NRXN1: variants seen among roughly 807,000 people sequenced by gnomAD.
NRXN1 encodes neurexin-1.
NRXN1 carries 39 observed loss-of-function variants against 150.9 expected under a neutral mutation model. The ratio of observed to expected loss-of-function variants is 0.26; its 90% CI spans 0.20 to 0.34. The LOEUF is 0.34. Ranked by LOEUF, NRXN1 falls within the 10% of genes least tolerant of loss-of-function variation. The pLI is 1.00. For missense variants in NRXN1, 1,815 were observed against 1,949.9 expected, an observed-to-expected ratio of 0.93 and a Z score of 1.30; for synonymous variants, 924 against 757.0, an observed-to-expected ratio of 1.22 and a Z score of -3.62.
intron 8 of NRXN1, among the ~76,000 whole-genome samples, chr2:50,585,180 C>T (rs970940732): frequency 6.6e-6 from 1 of 152,146 alleles, no homozygotes; most frequent in Non-Finnish European, 1.5e-5. Context: ...AACCGCAAAA[C>T]GTTAGGCAAG....
intron 18 of NRXN1, among the ~76,000 whole-genome samples, chr2:50,184,421 CAT>C (rs1477090445): frequency 6.6e-6 from 1 of 151,950 alleles, no homozygotes; most frequent in East Asian, 1.9e-4. Flanking sequence ...TGTCACCTAA[CAT>C]GTAAAAATAC....
intron 17 of NRXN1, among the ~76,000 whole-genome samples, chr2:50,352,712 G>A (rs973766765): frequency 6.7e-6 from 1 of 149,484 alleles, no homozygotes; most frequent in Admixed American, 6.7e-5. Context: ...GATTATTGCA[G>A]GTCCCTAAGA....
rs1670858679 is a variant in NRXN1, at chr2:51,027,987, A to G, written c.287T>C (p.Phe96Ser). The G allele has an allele frequency of 1.2e-6, 2 of 1,601,066 alleles. No homozygotes were observed. The highest frequency in any genetic ancestry group is 2.2e-5 in the South Asian group (2 of 90,966). The stretch of plus-strand genomic sequence containing the variant: ...CAGGAGCGTCGCAGGCTCAGCGCAG[A>G]AGATGGAGAAGCTGAGCTGCAGGCG... ...GGRLQLSFSI[F>S]CAEPATLLAD... Residue 96 changes from phenylalanine to serine, a missense_variant, in exon 2 of 23, where the codon TTC becomes TCC. Physicochemically the swap from Phe to Ser is radical, Grantham distance 155 (BLOSUM62 -2). Around this residue, in one of 6 missense-constraint regions of NRXN1, gnomAD observed 554 missense variants for 478.8 expected, o/e 1.16. Coordinates refer to ENST00000401669, the MANE Select transcript of NRXN1 (RefSeq NM_001330078.2).
intron 5 of NRXN1, among the ~76,000 whole-genome samples, chr2:50,837,209 T>C (rs1404578942): frequency 1.3e-5 from 2 of 152,146 alleles, no homozygotes; most frequent in African/African-American, 2.4e-5. Context: ...AAACAACAAG[T>C]AGTGTTATCT....
chr2:50,175,607 A>AATATAT (rs36032143), intron 18 of NRXN1, among the ~76,000 whole-genome samples: 1 of 149,196 alleles, frequency 6.7e-6, no homozygotes, highest in South Asian at 2.1e-4. Flanking sequence ...CATTTATGCA[A>AATATAT]ATATATATAT....
At chr2:50,858,013 T>C (rs970451165) in intron 5 of NRXN1, among the ~76,000 whole-genome samples, 2 of 152,092 alleles carry the variant, frequency 1.3e-5, no homozygotes, top group South Asian at 2.1e-4. Context: ...TATCAGAATT[T>C]TATTGATGGG....
chr2:50,450,288 C>T (rs908452831), intron 17 of NRXN1, among the ~76,000 whole-genome samples: 3 of 152,062 alleles, frequency 2.0e-5, no homozygotes, highest in Non-Finnish European at 4.4e-5. Flanking sequence ...TCTGAATGCA[C>T]ACGGCAATGG....
intron 8 of NRXN1, among the ~76,000 whole-genome samples, chr2:50,597,127 G>A (rs556374909): frequency 4.6e-5 from 7 of 152,212 alleles, no homozygotes; most frequent in Admixed American, 2.0e-4. Flanking sequence ...TTTCAGGAAC[G>A]AGTCACCGTG....
At chr2:50,120,631 T>C (rs1277343702) in intron 18 of NRXN1, among the ~76,000 whole-genome samples, 2 of 152,352 alleles carry the variant, frequency 1.3e-5, no homozygotes, top group Non-Finnish European at 2.9e-5. Context: ...ATATATTTCA[T>C]TAAAGTATAA....
intron 2 of NRXN1, among the ~76,000 whole-genome samples, chr2:50,945,578 A>G (rs1328185030): frequency 6.6e-6 from 1 of 151,852 alleles, no homozygotes; most frequent in East Asian, 1.9e-4. Flanking sequence ...ATAGGTAATG[A>G]GCCAGATTTG....
rs141713718 is a variant in NRXN1, at chr2:50,417,424, G to A, written c.3364+48018C>T. 1.7e-3 allele frequency among the ~76,000 whole-genome samples: 264 copies of A among 152,114 alleles called. 2 individuals carry two copies. The highest frequency in any genetic ancestry group is 5.9e-3 in the African/African-American group (244 of 41,530). ...TTTCCTAAAGCTTCTGCTTCACTAC[G>A]AATGAAGAAGACTAAAATTTCTCTG... On this transcript the variant is annotated intron_variant, in intron 17 of 22. Transcript: ENST00000401669.
intron 2 of NRXN1, among the ~76,000 whole-genome samples, chr2:50,941,824 T>C (rs1490888112): frequency 6.6e-6 from 1 of 152,100 alleles, no homozygotes; most frequent in Non-Finnish European, 1.5e-5. Flanking sequence ...CAAAAACTCA[T>C]TTTCTGGGGA....
At chr2:49,951,197 ATTAAG>A in intron 21 of NRXN1, among the ~76,000 whole-genome samples, 1 of 152,038 alleles carries the variant, frequency 6.6e-6, no homozygotes, top group African/African-American at 2.4e-5. Context: ...ATGCACTTTA[ATTAAG>A]TTATGGGGAA....
intron 5 of NRXN1, among the ~76,000 whole-genome samples, chr2:50,713,910 C>T (rs1005916196): frequency 1.3e-5 from 2 of 152,104 alleles, no homozygotes; most frequent in South Asian, 2.1e-4. Context: ...TTTATTATAA[C>T]CCAGATGTAC....
chr2:50,186,734 C>T (rs758968173), intron 18 of NRXN1, among the ~76,000 whole-genome samples: 7 of 151,770 alleles, frequency 4.6e-5, no homozygotes, highest in African/African-American at 9.7e-5. Flanking sequence ...ATTTAACCAG[C>T]GGAATTTGTG....
intron 5 of NRXN1, among the ~76,000 whole-genome samples, chr2:50,651,667 A>G (rs574821587): frequency 2.6e-5 from 4 of 152,122 alleles, no homozygotes; most frequent in African/African-American, 9.6e-5. Flanking sequence ...AAAAAGAAAG[A>G]AAGAAAGAAT....
intron 5 of NRXN1, among the ~76,000 whole-genome samples, chr2:50,904,966 T>G (rs1166248553): frequency 1.3e-5 from 2 of 152,120 alleles, no homozygotes; most frequent in Non-Finnish European, 1.5e-5. Flanking sequence ...CCAATTCAAC[T>G]ACTCCAATGT....
chr2:50,147,531 C>T (rs987268995), intron 18 of NRXN1, among the ~76,000 whole-genome samples: 1 of 151,674 alleles, frequency 6.6e-6, no homozygotes, highest in Non-Finnish European at 1.5e-5. Flanking sequence ...CAACAGACAG[C>T]GTCTCTGCAG....
At chr2:50,982,433 A>C (rs1351243893) in intron 2 of NRXN1, among the ~76,000 whole-genome samples, 1 of 152,124 alleles carries the variant, frequency 6.6e-6, no homozygotes, top group Non-Finnish European at 1.5e-5. Flanking sequence ...TGTACACTGA[A>C]TACATGCTCT....
Sources: allele counts gnomAD v4.1 joint callset (sites outside exome capture counted in the v4.1 genomes callset), GRCh38; gene constraint gnomAD v4.1.1; regional missense constraint gnomAD v4.1.1; transcripts MANE v1.5; gene names NCBI Gene and HGNC (gene_info 2026-07-23, HGNC 2026-07-21).